Variants in SH3BP4 observed in about 807,000 individuals in gnomAD.
SH3BP4 encodes the protein SH3 domain binding protein 4, also known as SH3 domain-binding protein 4.
In SH3BP4, 33 loss-of-function variants were observed where a neutral mutation model predicts 65.5. The observed-to-expected ratio is 0.50, with a 90% CI of 0.38 to 0.67. The LOEUF (loss-of-function observed/expected upper bound fraction) is 0.67. Ranked by LOEUF, SH3BP4 falls within the 30% of genes least tolerant of loss-of-function variation. SH3BP4 has a pLI of 0.00. For synonymous variants in SH3BP4, 552 were observed against 545.5 expected (o/e 1.01, Z -0.17); for missense variants, 1,134 against 1,261.4 (o/e 0.90, Z 1.53).
Position 234,952,447 on chromosome 2 carries a change from G to A in SH3BP4, c.-207+277G>A, listed in dbSNP as rs1189276241. ...GGCCCGGGGTTCCGGGCGCCGAGCC[G>A]CAGCCCTCCGCGTGCGCTCGGGCCG... On this transcript the variant is annotated intron_variant, in intron 1 of 5. Transcript: ENST00000392011. This position sits in a 1 kb window ranked among gnomAD's most constrained non-coding sequence, Gnocchi z 6.5. Among the ~76,000 whole-genome samples the A allele has an allele frequency of 6.6e-6, 1 of 150,612 alleles. No homozygotes were observed.
Position 235,026,106 on chromosome 2 carries a change from TG to T in SH3BP4, c.-132-8760del, listed in dbSNP as rs1694992851. 6.6e-6 allele frequency among the ~76,000 whole-genome samples: 1 copy of T among 151,224 alleles called. No homozygotes were observed. The highest frequency in any genetic ancestry group is 6.6e-5 in the Admixed American group (1 of 15,196). Reference sequence around the variant, plus strand: ...GCTGAGAACAACCCTACAGAGGGGATGGGGGAGGGATGGGGCCAGGAATAGA... The same window carrying T: ...GCTGAGAACAACCCTACAGAGGGGATGGGGAGGGATGGGGCCAGGAATAGA... On this transcript the variant is annotated intron_variant, in intron 2 of 5. Coordinates refer to ENST00000392011, the MANE Select transcript of SH3BP4 (RefSeq NM_014521.3). This position sits in a 1 kb window ranked among gnomAD's most constrained non-coding sequence, Gnocchi z 4.6.
Position 235,041,853 on chromosome 2 carries a change from C to T in SH3BP4, c.1084C>T (p.Pro362Ser), listed in dbSNP as rs201333243. Residue 362 changes from proline (P) to serine (S), a missense_variant, in exon 4 of 6, where the codon CCC becomes TCC. Pro to Ser is a moderately conservative substitution (Grantham distance 74). Coordinates refer to ENST00000392011, the MANE Select transcript of SH3BP4 (RefSeq NM_014521.3). This position sits in a 1 kb window ranked among gnomAD's most constrained non-coding sequence, Gnocchi z 6.0. ...QQISMKALLD[P>S]PLELNSDRSC... Reference sequence around the variant, plus strand: ...GATCTCCATGAAAGCCCTGCTGGACCCCCCGCTGGAGCTCAACAGTGACAG... The same window carrying T: ...GATCTCCATGAAAGCCCTGCTGGACTCCCCGCTGGAGCTCAACAGTGACAG... 1 of 1,607,512 alleles carries T rather than the reference C, an allele frequency of 6.2e-7. No homozygotes were observed. The highest frequency in any genetic ancestry group is 1.7e-5 in the Admixed American group (1 of 59,700).
intron 2 of SH3BP4, among the ~76,000 whole-genome samples, chr2:235,023,737 G>T (rs1261191510): frequency 1.3e-5 from 2 of 151,966 alleles, no homozygotes; most frequent in African/African-American, 4.8e-5. Flanking sequence ...GTATTTTTTT[G>T]AAAACAAAGT....
chr2:235,034,999 C>G lies in SH3BP4; in HGVS notation c.-4C>G, dbSNP rs781278776. 3 of 1,612,884 alleles carry G rather than the reference C, an allele frequency of 1.9e-6. No homozygotes were observed. Among genetic ancestry groups the G allele is most frequent in the Non-Finnish European group, 2.5e-6 (3 of 1,179,200 alleles). On this transcript the variant is annotated 5_prime_UTR_variant, in exon 3 of 6. Coordinates refer to ENST00000392011, the MANE Select transcript of SH3BP4 (RefSeq NM_014521.3). The surrounding 1 kb of genome is among the most constrained non-coding windows in gnomAD (Gnocchi z 6.2). ...GCGGCTTTACCCGGGAAGCGAGTTT[C>G]GAGATGGCGGCTCAGCGGATCCGAG...
chr2:235,050,352 C>T (rs1238266674), intron 4 of SH3BP4, among the ~76,000 whole-genome samples: 1 of 152,054 alleles, frequency 6.6e-6, no homozygotes, highest in Non-Finnish European at 1.5e-5. Flanking sequence ...CTCCTGACCT[C>T]GTGATCCACC....
intron 2 of SH3BP4, among the ~76,000 whole-genome samples, chr2:235,024,539 A>G (rs1694938034): frequency 6.6e-6 from 1 of 152,156 alleles, no homozygotes; most frequent in South Asian, 2.1e-4. Context: ...AGAATCAGGA[A>G]CAGTATTAAA....
Position 234,993,529 on chromosome 2 carries a change from A to T in SH3BP4, c.-206-1774A>T, listed in dbSNP as rs186910062. 7.9e-5 allele frequency among the ~76,000 whole-genome samples: 12 copies of T among 152,340 alleles called. 1 individual carries two copies. The East Asian group carries it at 2.1e-3, about 27-fold the overall frequency. ...GCAGTGGCTTTTAGAATCAGAAAGAAAAAATGGGAAATGCACGCTCACGGT... is the reference window on the plus strand; with the variant it reads ...GCAGTGGCTTTTAGAATCAGAAAGATAAAATGGGAAATGCACGCTCACGGT... On this transcript the variant is annotated intron_variant, in intron 1 of 5. Transcript: ENST00000392011.
intron 1 of SH3BP4, among the ~76,000 whole-genome samples, chr2:234,989,282 G>A (rs1259075433): frequency 1.3e-5 from 2 of 152,228 alleles, no homozygotes; most frequent in Non-Finnish European, 2.9e-5. Flanking sequence ...CGGGGCCAGA[G>A]ATGCCTCCCC....
intron 1 of SH3BP4, among the ~76,000 whole-genome samples, chr2:234,968,411 T>C (rs1199010020): frequency 4.0e-5 from 6 of 151,778 alleles, no homozygotes; most frequent in South Asian, 2.1e-4. Flanking sequence ...TGTTTACTCT[T>C]ATTTTCTAGT....
chr2:234,980,171 C>G (rs183507088), intron 1 of SH3BP4, among the ~76,000 whole-genome samples: 2 of 152,294 alleles, frequency 1.3e-5, no homozygotes, highest in African/African-American at 2.4e-5. Context: ...TAGTCCCCCC[C>G]TTATCTGCAG....
chr2:234,982,588 TC>T (rs1475872989), intron 1 of SH3BP4, among the ~76,000 whole-genome samples: 1 of 151,954 alleles, frequency 6.6e-6, no homozygotes, highest in African/African-American at 2.4e-5. Context: ...AGGTGGGCTA[TC>T]CCCGAGACCT....
chr2:234,985,598 G>GTATTTTTGACCCTCTGCGCACAGA (rs1305394505), intron 1 of SH3BP4, among the ~76,000 whole-genome samples: 1 of 152,076 alleles, frequency 6.6e-6, no homozygotes, highest in Non-Finnish European at 1.5e-5. Context: ...CCGCGCACAG[G>GTATTTTTGACCCTCTGCGCACAGA]TATTTTTGAC....
chr2:234,987,485 G>A (rs1015862849), intron 1 of SH3BP4, among the ~76,000 whole-genome samples: 4 of 152,166 alleles, frequency 2.6e-5, no homozygotes, highest in Admixed American at 1.3e-4. Flanking sequence ...AGCAAAGGTC[G>A]TGGAGCTGGT....
Position 234,978,785 on chromosome 2 carries a change from T to C in SH3BP4, c.-206-16518T>C, listed in dbSNP as rs564375314. The C allele has an allele frequency of 9.2e-5, 14 of 152,254 alleles. No homozygotes were observed. Among genetic ancestry groups the C allele is most frequent in the African/African-American group, 3.4e-4 (14 of 41,520 alleles). The allele number at this position is 152,254 out of a possible 1,614,324, so 9.4% of individuals were successfully genotyped here. On this transcript the variant is annotated intron_variant, in intron 1 of 5. Coordinates refer to ENST00000392011, the MANE Select transcript of SH3BP4 (RefSeq NM_014521.3). This position sits in a 1 kb window ranked among gnomAD's most constrained non-coding sequence, Gnocchi z 4.1. ...GGCCCTGTGGAGAGAGACCGAGTCG[T>C]GCAGCGTCCGTGGCCTGCATTTGAA...
Position 235,054,098 on chromosome 2 carries a change from T to C in SH3BP4, c.*282T>C. On this transcript the variant is annotated 3_prime_UTR_variant, in exon 6 of 6. Transcript: ENST00000392011. The stretch of plus-strand genomic sequence containing the variant: ...TTAACGAATGGGGGGAAGGGATCTA[T>C]GAGAAAGGTGGTATCTAATTTTTTT... The C allele has an allele frequency of 2.7e-6, 1 of 372,590 alleles. No individual in the cohort carries two copies. Among genetic ancestry groups the C allele is most frequent in the Non-Finnish European group, 4.9e-6 (1 of 205,348 alleles). The allele number at this position is 372,590 out of a possible 1,614,324, so 23.1% of individuals were successfully genotyped here.
At chr2:234,987,810 G>C (rs542447193) in intron 1 of SH3BP4, among the ~76,000 whole-genome samples, 1 of 152,286 alleles carries the variant, frequency 6.6e-6, no homozygotes, top group South Asian at 2.1e-4. Context: ...AAGTCTAGAA[G>C]AATCATTAAA....
chr2:235,027,113 C>A (rs1695025498), intron 2 of SH3BP4, among the ~76,000 whole-genome samples: 1 of 152,238 alleles, frequency 6.6e-6, no homozygotes, highest in Admixed American at 6.5e-5. Context: ...TGGTCCTCGC[C>A]CTGAGTCGTA....
At chr2:234,981,517 A>T (rs1311209527) in intron 1 of SH3BP4, 1 of 152,234 alleles carries the variant, frequency 6.6e-6, no homozygotes, top group Non-Finnish European at 1.5e-5. Flanking sequence ...GCTTGACCGC[A>T]GAGGAATGCA....
chr2:235,019,994 T>G (rs1694804726), intron 2 of SH3BP4, among the ~76,000 whole-genome samples: 1 of 151,648 alleles, frequency 6.6e-6, no homozygotes, highest in African/African-American at 2.4e-5. Context: ...AGAAAGAAAC[T>G]CAAGCTGGAG....
Sources: allele counts gnomAD v4.1 joint callset (sites outside exome capture counted in the v4.1 genomes callset), GRCh38; gene constraint gnomAD v4.1.1; non-coding constraint Gnocchi (gnomAD v3.1); transcripts MANE v1.5; gene names NCBI Gene and HGNC (gene_info 2026-07-23, HGNC 2026-07-21).